The following VPS13B variants were observed in gnomAD, a reference collection of about 807,000 sequenced individuals.
VPS13B encodes intermembrane lipid transfer protein VPS13B.
A neutral mutation model predicts 426.4 loss-of-function variants in VPS13B; 285 were observed. The ratio of observed to expected loss-of-function variants is 0.67; its 90% confidence interval spans 0.61 to 0.74. VPS13B has a LOEUF of 0.74. Among genes scored for constraint, VPS13B ranks in the 30% least tolerant of loss-of-function variants. The pLI, the probability that VPS13B is intolerant of heterozygous loss-of-function variation, is 0.00. For missense variants in VPS13B, 4,537 were observed against 4,782.6 expected, an observed-to-expected ratio of 0.95 and a Z score of 1.51; for synonymous variants, 1,676 against 1,676.4, an observed-to-expected ratio of 1.00 and a Z score of 0.01.
chr8:99,633,744 G>T (rs1487165586), intron 33 of VPS13B, among the ~76,000 whole-genome samples: 2 of 151,038 alleles, frequency 1.3e-5, no homozygotes, highest in African/African-American at 4.9e-5. Context: ...TTCAAAGCAG[G>T]TTGTTGTTTC....
intron 30 of VPS13B, among the ~76,000 whole-genome samples, chr8:99,544,675 A>G (rs1188243787): frequency 1.3e-5 from 2 of 149,034 alleles, no homozygotes; most frequent in Non-Finnish European, 3.0e-5. Flanking sequence ...AGAAATTGTA[A>G]TTTTGTATGT....
chr8:99,845,489 A>G (rs1394173555), intron 54 of VPS13B, among the ~76,000 whole-genome samples: 1 of 152,180 alleles, frequency 6.6e-6, no homozygotes, highest in Admixed American at 6.5e-5. Context: ...TGGCTGAGGT[A>G]TGGGTGCAGC....
chr8:99,330,847 A>G (rs1810506650), intron 19 of VPS13B, among the ~76,000 whole-genome samples: 1 of 151,738 alleles, frequency 6.6e-6, no homozygotes, highest in Non-Finnish European at 1.5e-5. Flanking sequence ...ATCTAAAGCC[A>G]TTAAGCAAAA....
chr8:99,432,129 T>A (rs1427366211), intron 22 of VPS13B, among the ~76,000 whole-genome samples: 1 of 152,120 alleles, frequency 6.6e-6, no homozygotes, highest in African/African-American at 2.4e-5. Flanking sequence ...TGATTTTTAC[T>A]TTAAAATGCA....
intron 21 of VPS13B, among the ~76,000 whole-genome samples, chr8:99,409,820 G>A (rs1815531435): frequency 1.3e-5 from 2 of 152,128 alleles, no homozygotes; most frequent in Non-Finnish European, 2.9e-5. Context: ...AGAGTTTTGA[G>A]TATTAGCAAA....
At position 99,698,377 on chromosome 8, in the gene VPS13B, C is replaced by G. The variant is rs79419756; in HGVS notation, c.6047-1148C>G. On this transcript the variant is annotated intron_variant, in intron 35 of 61. Transcript: ENST00000357162. ...GAAGAGAATGAGGACCACGCGGACT[C>G]TGCCCACACAGAGCTGTCAGCTGCG... is the stretch of plus-strand genomic sequence containing the variant. Among the ~76,000 whole-genome samples the G allele has an allele frequency of 4.1e-3, 624 of 152,316 alleles. 7 individuals carry two copies. Among genetic ancestry groups the G allele is most frequent in the African/African-American group, 0.014 (582 of 41,566 alleles).
At chr8:99,034,572 C>T (rs950177731) in intron 2 of VPS13B, among the ~76,000 whole-genome samples, 4 of 152,126 alleles carry the variant, frequency 2.6e-5, no homozygotes, top group Non-Finnish European at 5.9e-5. Flanking sequence ...TAAGTACTAT[C>T]TTGCACATGC....
chr8:99,788,825 T>C (rs1199128449), intron 43 of VPS13B, among the ~76,000 whole-genome samples: 1 of 152,200 alleles, frequency 6.6e-6, no homozygotes, highest in Admixed American at 6.6e-5. Context: ...TAAGCCTAAG[T>C]TTGCCAACAC....
chr8:99,855,237 C>A (rs1184276580), intron 56 of VPS13B, among the ~76,000 whole-genome samples: 3 of 151,810 alleles, frequency 2.0e-5, no homozygotes, highest in Non-Finnish European at 4.4e-5. Flanking sequence ...AAAAAATTAC[C>A]CAGGTGTGGT....
At position 99,588,796 on chromosome 8, in the gene VPS13B, G is replaced by A. The variant is rs1285015850; in HGVS notation, c.5220+11163G>A. 6.6e-5 allele frequency among the ~76,000 whole-genome samples: 10 copies of A among 151,648 alleles called. 3 individuals are homozygous for A. The highest frequency in any genetic ancestry group is 2.0e-4 in the African/African-American group (8 of 40,996). ...TGACTTCCTCACTTCCTGATTGAATGCCCTTTATTTCTTTCTCTTGCCTGA... is the reference window on the plus strand; with the variant it reads ...TGACTTCCTCACTTCCTGATTGAATACCCTTTATTTCTTTCTCTTGCCTGA... On this transcript the variant is annotated intron_variant, in intron 33 of 61. Transcript: ENST00000357162.
intron 39 of VPS13B, among the ~76,000 whole-genome samples, chr8:99,750,891 GA>G (rs1810360263): frequency 6.6e-6 from 1 of 152,098 alleles, no homozygotes; most frequent in Non-Finnish European, 1.5e-5. Flanking sequence ...TTGAAAGATG[GA>G]TGAGATTTCA....
At chr8:99,806,768 A>G (rs914899939) in intron 43 of VPS13B, among the ~76,000 whole-genome samples, 1 of 152,170 alleles carries the variant, frequency 6.6e-6, no homozygotes, top group African/African-American at 2.4e-5. Flanking sequence ...ATGGAGACTT[A>G]CAGTATCTGT....
intron 1 of VPS13B, 40 bp from the exon 2 acceptor site, chr8:99,013,720 T>A: frequency 6.2e-7 from 1 of 1,600,014 alleles, no homozygotes; most frequent in Non-Finnish European, 8.6e-7. Context: ...TTTCCTTCAC[T>A]CTACCGCCGA....
intron 34 of VPS13B, among the ~76,000 whole-genome samples, chr8:99,649,344 C>T (rs931628755): frequency 2.6e-5 from 4 of 151,974 alleles, no homozygotes; most frequent in Admixed American, 1.3e-4. Context: ...TTTCTCTTCT[C>T]CTTTTGGAAT....
Position 99,575,678 on chromosome 8 carries a change from G to A in VPS13B, c.4970G>A (p.Arg1657Lys), listed in dbSNP as rs903367949. Residue 1657 changes from arginine to lysine, a missense_variant, in exon 32 of 62, where the codon AGG (arginine) becomes AAG (lysine). Transcript: ENST00000357162. The part of the protein sequence containing the change: ...MASSIRRHQE[R>K]RAILTPVLTD... ...TTTAGCATACGGCGGCATCAAGAAA[G>A]GAGAGCAATTTTGACCCCCGTTTTG... is the stretch of plus-strand genomic sequence containing the variant. The A allele has an allele frequency of 2.5e-6, 4 of 1,613,890 alleles. No homozygotes were observed. The highest frequency in any genetic ancestry group is 2.5e-6 in the Non-Finnish European group (3 of 1,179,902).
intron 47 of VPS13B, 50 bp downstream of exon 47, chr8:99,818,938 A>C: frequency 3.3e-6 from 3 of 915,926 alleles, no homozygotes; most frequent in Non-Finnish European, 4.8e-6. Flanking sequence ...GGAGAAATTA[A>C]GTAGAAAAGT....
intron 21 of VPS13B, among the ~76,000 whole-genome samples, chr8:99,408,480 G>A (rs999810488): frequency 1.3e-5 from 2 of 152,156 alleles, no homozygotes; most frequent in Non-Finnish European, 1.5e-5. Context: ...TGTTTTTGCA[G>A]CCAGAAAGGT....
At chr8:99,403,473 CG>C (rs1283364187) in intron 21 of VPS13B, among the ~76,000 whole-genome samples, 1 of 150,204 alleles carries the variant, frequency 6.7e-6, no homozygotes, top group African/African-American at 2.5e-5. Flanking sequence ...CGCTCGAACC[CG>C]GGTGGCAGAG....
intron 17 of VPS13B, among the ~76,000 whole-genome samples, chr8:99,208,718 A>T (rs992312255): frequency 3.3e-5 from 5 of 152,220 alleles, no homozygotes; most frequent in African/African-American, 1.2e-4. Context: ...AAGTCTTATT[A>T]TCATAGATTG....
Sources: gnomAD v4.1 joint callset for allele counts (sites outside exome capture counted in the v4.1 genomes callset) on GRCh38, gnomAD v4.1.1 for gene constraint, MANE v1.5 for transcripts, NCBI Gene and HGNC (gene_info 2026-07-23, HGNC 2026-07-21) for gene names.